Variants in SMYD3 observed in about 807,000 individuals in gnomAD.
SMYD3 encodes SET and MYND domain containing 3.
In SMYD3, 36 loss-of-function variants were observed where a neutral mutation model predicts 57.7. That is an observed-to-expected ratio of 0.62 (90% CI 0.48 to 0.82). The LOEUF (loss-of-function observed/expected upper bound fraction) is 0.82. Among genes scored for constraint, SMYD3 ranks in the 40% least tolerant of loss-of-function variants. SMYD3 has a pLI of 0.00. For synonymous variants in SMYD3, 211 were observed against 195.0 expected, an observed-to-expected ratio of 1.08 and a Z score of -0.68; for missense variants, 515 against 538.8, an observed-to-expected ratio of 0.96 and a Z score of 0.44.
At chr1:245,784,110 G>T (rs1187534449) in intron 10 of SMYD3, among the ~76,000 whole-genome samples, 5 of 152,222 alleles carry the variant, frequency 3.3e-5, no homozygotes, top group Non-Finnish European at 7.3e-5. Context: ...CTAGAGGATT[G>T]ATGTGATCTG....
In SMYD3 at chr1:246,202,031, A is replaced by C. The variant is rs1227538834; in HGVS notation, c.531+125170T>G. Among the ~76,000 whole-genome samples, 1 of 151,972 alleles carries C rather than the reference A, an allele frequency of 6.6e-6. No individual in the cohort carries two copies. Among genetic ancestry groups the C allele is most frequent in the Non-Finnish European group, 1.5e-5 (1 of 68,006 alleles). On this transcript the variant is annotated intron_variant, in intron 5 of 11. Coordinates refer to ENST00000490107, the MANE Select transcript of SMYD3 (RefSeq NM_001167740.2). The surrounding 1 kb of genome is among the most constrained non-coding windows in gnomAD (Gnocchi z 4.1). ...CTCAATTTAAAAAAAAAAAACAAAA[A>C]AAAGCCATTTTTAAATGATTTATAC...
At chr1:246,147,310 C>T (rs2061864244) in intron 5 of SMYD3, among the ~76,000 whole-genome samples, 1 of 152,196 alleles carries the variant, frequency 6.6e-6, no homozygotes, top group South Asian at 2.1e-4. Context: ...TCCGGGGAGT[C>T]ATGTCAGGAG....
chr1:245,782,343 C>T (rs1196149038), intron 10 of SMYD3, among the ~76,000 whole-genome samples: 1 of 152,110 alleles, frequency 6.6e-6, no homozygotes, highest in African/African-American at 2.4e-5. Flanking sequence ...ATAAGTACTG[C>T]TCAAGCAGTA....
intron 5 of SMYD3, among the ~76,000 whole-genome samples, chr1:246,105,320 G>A (rs751742739): frequency 3.9e-5 from 6 of 151,964 alleles, no homozygotes; most frequent in South Asian, 2.1e-4. Context: ...ACCAAATCCC[G>A]TTTAGGAGGA....
chr1:246,255,648 T>C (rs2063870268), intron 5 of SMYD3, among the ~76,000 whole-genome samples: 1 of 152,108 alleles, frequency 6.6e-6, no homozygotes, highest in Non-Finnish European at 1.5e-5. Flanking sequence ...TTTTTTGTTA[T>C]TGTGTCTTCA....
intron 5 of SMYD3, among the ~76,000 whole-genome samples, chr1:246,022,046 C>A (rs1203182236): frequency 6.6e-6 from 1 of 152,204 alleles, no homozygotes; most frequent in Non-Finnish European, 1.5e-5. Flanking sequence ...AGAGTGAGCA[C>A]TGCTGAACAC....
chr1:245,825,258 T>A (rs1007040255), intron 10 of SMYD3, among the ~76,000 whole-genome samples: 29 of 152,164 alleles, frequency 1.9e-4, no homozygotes, highest in African/African-American at 6.5e-4. Flanking sequence ...TCTCCCTACG[T>A]TCTCTTAGAT....
chr1:245,985,812 C>A (rs2058692844), intron 5 of SMYD3, among the ~76,000 whole-genome samples: 1 of 152,116 alleles, frequency 6.6e-6, no homozygotes, highest in Admixed American at 6.5e-5. Context: ...AAAATCCCTG[C>A]ACCAACATGT....
intron 5 of SMYD3, among the ~76,000 whole-genome samples, chr1:246,267,788 G>C (rs1163376269): frequency 1.3e-5 from 2 of 152,164 alleles, no homozygotes; most frequent in African/African-American, 4.8e-5. Context: ...AATATTTGAT[G>C]AATTGAAAGT....
chr1:245,969,997 T>C (rs1053724160), intron 5 of SMYD3, among the ~76,000 whole-genome samples: 2 of 152,210 alleles, frequency 1.3e-5, no homozygotes, highest in African/African-American at 4.8e-5. Context: ...AGAGCCCATA[T>C]AGCTAAGACA....
intron 10 of SMYD3, among the ~76,000 whole-genome samples, chr1:245,799,048 G>T (rs12098019): frequency 2.2e-3 from 333 of 152,300 alleles, no homozygotes; most frequent in African/African-American, 7.5e-3. Context: ...CACAGAACAA[G>T]CTCTAGCCCT....
chr1:246,182,466 AG>A (rs1410964038), intron 5 of SMYD3, among the ~76,000 whole-genome samples: 1 of 152,176 alleles, frequency 6.6e-6, no homozygotes, highest in Non-Finnish European at 1.5e-5. Flanking sequence ...TGGAGACTGA[AG>A]TGATAACGTC....
At chr1:246,075,296 A>G (rs2788009) in intron 5 of SMYD3, among the ~76,000 whole-genome samples, 41,758 of 152,102 alleles carry the variant, frequency 0.27, 6,213 homozygotes, top group East Asian at 0.4. Context: ...GAAAGACACA[A>G]ATAAAAGAAC....
intron 1 of SMYD3, among the ~76,000 whole-genome samples, chr1:246,360,155 C>T (rs879227453): frequency 6.6e-6 from 1 of 152,140 alleles, no homozygotes; most frequent in Non-Finnish European, 1.5e-5. Context: ...AGTAGCTCTG[C>T]TATACAGCAA....
At chr1:245,806,109 C>T (rs948515285) in intron 10 of SMYD3, among the ~76,000 whole-genome samples, 3 of 152,074 alleles carry the variant, frequency 2.0e-5, no homozygotes, top group Non-Finnish European at 4.4e-5. Context: ...AAGACGGGGT[C>T]TTTCCAGTTG....
At chr1:246,128,866 G>A (rs147847769) in intron 5 of SMYD3, among the ~76,000 whole-genome samples, 4 of 152,078 alleles carry the variant, frequency 2.6e-5, no homozygotes, top group Admixed American at 6.5e-5. Flanking sequence ...GCAGTGGTGC[G>A]ATCACAGCTC....
At chr1:245,794,258 A>G (rs566909189) in intron 10 of SMYD3, among the ~76,000 whole-genome samples, 1 of 152,218 alleles carries the variant, frequency 6.6e-6, no homozygotes, top group African/African-American at 2.4e-5. Context: ...TGTAATACAC[A>G]TTCTTTTTAA....
intron 5 of SMYD3, among the ~76,000 whole-genome samples, chr1:246,101,082 T>G (rs894044626): frequency 5.1e-4 from 70 of 136,408 alleles, no homozygotes; most frequent in South Asian, 2.4e-3. Flanking sequence ...TTTTTTTTTT[T>G]TTTTTTTTTT....
rs769199699 is a variant in SMYD3, at chr1:245,823,675, G to A, written c.1076+34821C>T. ...TTTTTCCCACAAGTCGTTCAATTCA[G>A]TTGTTGGGCAACCGTTCAGGGAAGC... is the stretch of plus-strand genomic sequence containing the variant. On this transcript the variant is annotated intron_variant, in intron 10 of 11. Transcript: ENST00000490107. Among the ~76,000 whole-genome samples, 51 of 152,282 alleles carry A rather than the reference G, an allele frequency of 3.3e-4. No individual in the cohort carries two copies. The Middle Eastern group carries it at 0.017, about 51-fold the overall frequency.
Sources: gnomAD v4.1 joint callset for allele counts (sites outside exome capture counted in the v4.1 genomes callset) on GRCh38, gnomAD v4.1.1 for gene constraint, Gnocchi (gnomAD v3.1) non-coding constraint, MANE v1.5 for transcripts, NCBI Gene and HGNC (gene_info 2026-07-23, HGNC 2026-07-21) for gene names.